SYT3: variants seen among roughly 807,000 people sequenced by gnomAD.
SYT3 encodes the protein synaptotagmin-3.
A neutral mutation model predicts 50.6 loss-of-function variants in SYT3; 25 were observed. The ratio of observed to expected loss-of-function variants is 0.49; its 90% CI spans 0.36 to 0.69. The LOEUF is 0.69. Ranked by LOEUF, SYT3 falls within the 30% of genes least tolerant of loss-of-function variation. SYT3 has a pLI of 0.00. For missense variants in SYT3, 589 were observed against 793.6 expected (o/e 0.74, Z 3.10); for synonymous variants, 323 against 353.9 (o/e 0.91, Z 0.98).
At chr19:50,638,491 A>G (rs1984566471) in intron 2 of SYT3, among the ~76,000 whole-genome samples, 1 of 151,876 alleles carries the variant, frequency 6.6e-6, no homozygotes, top group Non-Finnish European at 1.5e-5. Context: ...AGACAGAGAT[A>G]ATGTGAAGGG....
chr19:50,625,101 G>A lies in SYT3; in HGVS notation c.1707+61C>T. 2 of 1,451,162 alleles carry A rather than the reference G, an allele frequency of 1.4e-6. No individual in the cohort carries two copies. The highest frequency in any genetic ancestry group is 1.8e-6 in the Non-Finnish European group (2 of 1,099,464). The allele number at this position is 1,451,162 out of a possible 1,614,324, so 89.9% of individuals were successfully genotyped here. On this transcript the variant is annotated intron_variant, in intron 9 of 10. Coordinates refer to ENST00000600079, the MANE Select transcript of SYT3 (RefSeq NM_001160329.2). This position sits in a 1 kb window ranked among gnomAD's most constrained non-coding sequence, Gnocchi z 7.5. Reference sequence around the variant, plus strand: ...CGAACATGCAGGGCGTTCGTTGCATGGATGAAGGGGCCGAGGGTGCACGGG... The same window carrying A: ...CGAACATGCAGGGCGTTCGTTGCATAGATGAAGGGGCCGAGGGTGCACGGG...
upstream of SYT3, among the ~76,000 whole-genome samples, chr19:50,640,225 A>G (rs923917420): frequency 6.6e-6 from 1 of 152,232 alleles, no homozygotes; most frequent in African/African-American, 2.4e-5. Context: ...TCAAAGGTAC[A>G]GTGCCACAGC....
At chr19:50,650,638 T>C in the SYT3 span, among the ~76,000 whole-genome samples, 1 of 152,180 alleles carries the variant, frequency 6.6e-6, no homozygotes, top group Non-Finnish European at 1.5e-5. Context: ...GCCACTGCAC[T>C]CCAGCCTGGG....
the SYT3 span, among the ~76,000 whole-genome samples, chr19:50,657,819 G>A: frequency 6.6e-6 from 1 of 152,170 alleles, no homozygotes; most frequent in Non-Finnish European, 1.5e-5. Context: ...ATAATCTGTC[G>A]TCTCCTTTGA....
chr19:50,626,791 G>A (rs1285587861), intron 6 of SYT3, among the ~76,000 whole-genome samples: 1 of 150,364 alleles, frequency 6.7e-6, no homozygotes, highest in Non-Finnish European at 1.5e-5. Context: ...GACTCAGAGA[G>A]AGACAGAGGC....
the SYT3 span, among the ~76,000 whole-genome samples, chr19:50,647,227 G>C: frequency 6.6e-6 from 1 of 152,138 alleles, no homozygotes; most frequent in Non-Finnish European, 1.5e-5. Flanking sequence ...AGATCATGCA[G>C]CTCTTTCAGT....
Position 50,632,430 on chromosome 19 carries a change from G to A in SYT3, c.530C>T (p.Ala177Val), listed in dbSNP as rs756363150. 2 of 1,613,456 alleles carry A rather than the reference G, an allele frequency of 1.2e-6. No homozygotes were observed. Among genetic ancestry groups the A allele is most frequent in the Admixed American group, 1.7e-5 (1 of 60,016 alleles). The change falls in exon 4 of 11, where the codon GCT (alanine) becomes GTT (valine). Residue 177 changes from alanine to valine, a missense_variant. Physicochemically the swap from Ala to Val is moderately conservative, Grantham distance 64. This residue lies in a region of SYT3 where 316 missense variants were observed against 354.3 expected (regional missense o/e 0.89). Coordinates refer to ENST00000600079, the MANE Select transcript of SYT3 (RefSeq NM_001160329.2). This position sits in a 1 kb window ranked among gnomAD's most constrained non-coding sequence, Gnocchi z 4.7. Reference protein sequence around the residue: ...YPEAAAAAVAAGVKPSQTSPE... With the variant: ...YPEAAAAAVAVGVKPSQTSPE... ...GGATGTTTGGCTCGGTTTGACCCCA[G>A]CGGCCACTGCTGCTGCTGCAGCCTC...
intron 9 of SYT3, chr19:50,624,899 C>T (rs1001402538): frequency 1.9e-5 from 7 of 373,106 alleles, no homozygotes; most frequent in East Asian, 3.9e-5. Flanking sequence ...CAGCGACCAC[C>T]TACAGAACGT....
intron 4 of SYT3, among the ~76,000 whole-genome samples, chr19:50,631,729 A>G (rs977912958): frequency 6.6e-6 from 1 of 151,360 alleles, no homozygotes; most frequent in African/African-American, 2.4e-5. Context: ...CGGTTCCCTG[A>G]GTCGCTTTCC....
rs558553898 is a variant in SYT3, at chr19:50,625,335, A to G, written c.1575-41T>C. 1.3e-6 allele frequency: 2 copies of G among 1,534,534 alleles called. No homozygotes were observed. Among genetic ancestry groups the G allele is most frequent in the East Asian group, 2.5e-5 (1 of 40,704 alleles). On this transcript the variant is annotated intron_variant, in intron 8 of 10. Coordinates refer to ENST00000600079, the MANE Select transcript of SYT3 (RefSeq NM_001160329.2). This position sits in a 1 kb window ranked among gnomAD's most constrained non-coding sequence, Gnocchi z 7.5. Reference sequence around the variant, plus strand: ...AGTGAGGACCGTGGAGGGTGGTGGGAGGGCCTGTCCCCACCCCAGCCCTCC... The same window carrying G: ...AGTGAGGACCGTGGAGGGTGGTGGGGGGGCCTGTCCCCACCCCAGCCCTCC...
At chr19:50,656,272 C>T in the SYT3 span, 36 of 1,536,026 alleles carry the variant, frequency 2.3e-5, no homozygotes, top group Middle Eastern at 1.7e-4. Flanking sequence ...GGCACTGGAC[C>T]GAGAACTCCC....
At position 50,625,041 on chromosome 19, in the gene SYT3, G is replaced by A; in HGVS notation, c.1707+121C>T. ...CGCACAGCTAAAGTTGGCACAGCAG[G>A]GATTGAAACCTAGGACGCCTGGCTC... On this transcript the variant is annotated intron_variant, in intron 9 of 10. Coordinates refer to ENST00000600079, the MANE Select transcript of SYT3 (RefSeq NM_001160329.2). This position sits in a 1 kb window ranked among gnomAD's most constrained non-coding sequence, Gnocchi z 7.5. 2.7e-6 allele frequency: 3 copies of A among 1,122,076 alleles called. No homozygotes were observed. Among genetic ancestry groups the A allele is most frequent in the Non-Finnish European group, 3.5e-6 (3 of 853,532 alleles). 69.5% of individuals were successfully genotyped at this position (1,122,076 alleles called of 1,614,324 possible).
At position 50,622,453 on chromosome 19, in the gene SYT3, C is replaced by G. The variant is rs1029035744; in HGVS notation, c.*32G>C. 7 of 412,584 alleles carry G rather than the reference C, an allele frequency of 1.7e-5. No individual in the cohort carries two copies. The highest frequency in any genetic ancestry group is 6.2e-5 in the African/African-American group (3 of 48,640). The allele number at this position is 412,584 out of a possible 1,614,324, so 25.6% of individuals were successfully genotyped here. ...AGGAAAGGATGGGGTCCTGAGGGAG[C>G]CTGGTCCGATCCCGGGCCTAGGCCA... On this transcript the variant is annotated 3_prime_UTR_variant, in exon 11 of 11. Coordinates refer to ENST00000600079, the MANE Select transcript of SYT3 (RefSeq NM_001160329.2).
the SYT3 span, among the ~76,000 whole-genome samples, chr19:50,652,471 T>C: frequency 1.3e-5 from 2 of 152,132 alleles, no homozygotes; most frequent in Admixed American, 6.5e-5. Flanking sequence ...ATGGCATCAG[T>C]GGACCCTCAG....
chr19:50,625,928 G>A lies in SYT3; in HGVS notation c.1371C>T (p.Asn457=). 1 of 1,614,114 alleles carries A rather than the reference G, an allele frequency of 6.2e-7. No individual in the cohort carries two copies. Among genetic ancestry groups the A allele is most frequent in the Non-Finnish European group, 8.5e-7 (1 of 1,180,006 alleles). Residue 457 remains asparagine (N), a synonymous_variant, in exon 7 of 11, where the codon AAC becomes AAT. Transcript: ENST00000600079. The surrounding 1 kb of genome is among the most constrained non-coding windows in gnomAD (Gnocchi z 7.5). ...RLTVTIIKAS[N]LKAMDLTGFS... Reference sequence around the variant, plus strand: ...AGCCAGTGAGGTCCATCGCTTTGAGGTTAGAGGCTTTGATGATGGTCACGG... The same window carrying A: ...AGCCAGTGAGGTCCATCGCTTTGAGATTAGAGGCTTTGATGATGGTCACGG...
chr19:50,657,313 C>T, the SYT3 span, among the ~76,000 whole-genome samples: 1 of 152,220 alleles, frequency 6.6e-6, no homozygotes, highest in Non-Finnish European at 1.5e-5. Context: ...AAGGGACTCT[C>T]CAGCCTCCCC....
intron 6 of SYT3, among the ~76,000 whole-genome samples, chr19:50,628,781 C>T (rs1984166726): frequency 6.7e-6 from 1 of 149,718 alleles, no homozygotes; most frequent in Non-Finnish European, 1.5e-5. Context: ...TAACATTTGG[C>T]GATGTTGAGG....
chr19:50,648,181 C>T, the SYT3 span, among the ~76,000 whole-genome samples: 11 of 152,120 alleles, frequency 7.2e-5, no homozygotes, highest in East Asian at 1.7e-3. Flanking sequence ...GTGGTAGCAC[C>T]GAGAGCTCCA....
chr19:50,636,645 G>A (rs935966140), intron 3 of SYT3, among the ~76,000 whole-genome samples: 1 of 152,180 alleles, frequency 6.6e-6, no homozygotes, highest in African/African-American at 2.4e-5. Flanking sequence ...ACCTTGGACA[G>A]GTCACTTCAC....
Sources: gnomAD v4.1 joint callset for allele counts (sites outside exome capture counted in the v4.1 genomes callset) on GRCh38, gnomAD v4.1.1 for gene constraint, gnomAD v4.1.1 regional missense constraint, Gnocchi (gnomAD v3.1) non-coding constraint, MANE v1.5 for transcripts, NCBI Gene and HGNC (gene_info 2026-07-23, HGNC 2026-07-21) for gene names.